The following ZFHX3 variants were observed in gnomAD, a reference collection of about 807,000 sequenced individuals.
ZFHX3 encodes the protein zinc finger homeobox protein 3.
A neutral mutation model predicts 279.1 loss-of-function variants in ZFHX3; 42 were observed. That is an observed-to-expected ratio of 0.15 (90% CI 0.12 to 0.19). The LOEUF is 0.19. Among genes scored for constraint, ZFHX3 ranks in the 10% least tolerant of loss-of-function variants. The probability of loss-of-function intolerance (pLI) is 1.00; values close to 1 mark genes in which losing one functional copy is unlikely to be tolerated. For missense variants in ZFHX3, 4,981 were observed against 4,754.0 expected, an observed-to-expected ratio of 1.05 and a Z score of -1.40; for synonymous variants, 2,293 against 1,957.8, an observed-to-expected ratio of 1.17 and a Z score of -4.52.
chr16:73,886,486 G>T (rs1362837473), intron 1 of ZFHX3, among the ~76,000 whole-genome samples: 2 of 152,110 alleles, frequency 1.3e-5, no homozygotes, highest in African/African-American at 2.4e-5. Flanking sequence ...ACAGAATGAC[G>T]CACATAATAA....
At chr16:73,163,444 T>C (rs1213053256) in intron 5 of ZFHX3, among the ~76,000 whole-genome samples, 2 of 152,234 alleles carry the variant, frequency 1.3e-5, no homozygotes, top group African/African-American at 2.4e-5. Flanking sequence ...TAAAGTTTTA[T>C]TGGAACTCAG....
intron 2 of ZFHX3, among the ~76,000 whole-genome samples, chr16:73,477,178 T>C (rs1597350377): frequency 6.6e-6 from 1 of 152,226 alleles, no homozygotes; most frequent in African/African-American, 2.4e-5. Context: ...TGAATTCATC[T>C]ATAGGAAAGT....
At chr16:72,823,179 C>T (rs898749151) in intron 5 of ZFHX3, among the ~76,000 whole-genome samples, 1 of 152,116 alleles carries the variant, frequency 6.6e-6, no homozygotes, top group Non-Finnish European at 1.5e-5. Flanking sequence ...AAACATAAAA[C>T]CAAAAATGGT....
intron 4 of ZFHX3, among the ~76,000 whole-genome samples, chr16:73,282,579 T>G (rs1358694607): frequency 6.6e-6 from 1 of 152,192 alleles, no homozygotes; most frequent in Non-Finnish European, 1.5e-5. Context: ...GTCTTTTGTT[T>G]TCTGCACTCA....
chr16:73,036,020 C>T (rs1964888159), intron 1 of ZFHX3, among the ~76,000 whole-genome samples: 1 of 152,264 alleles, frequency 6.6e-6, no homozygotes, highest in Non-Finnish European at 1.5e-5. Flanking sequence ...CAAGAGAAGA[C>T]TTCTCCCTTT....
intron 2 of ZFHX3, among the ~76,000 whole-genome samples, chr16:73,481,749 T>C (rs533523801): frequency 1.3e-5 from 2 of 152,322 alleles, no homozygotes; most frequent in East Asian, 3.9e-4. Flanking sequence ...CACCTCTGCC[T>C]CTCAAAGTCC....
chr16:72,856,561 C>T (rs201043590), intron 4 of ZFHX3, among the ~76,000 whole-genome samples: 3 of 152,216 alleles, frequency 2.0e-5, no homozygotes, highest in East Asian at 3.8e-4. Flanking sequence ...GCTGCTTTTA[C>T]ACCACCTGGA....
chr16:73,387,947 C>T (rs979156117), intron 3 of ZFHX3, among the ~76,000 whole-genome samples: 2 of 151,968 alleles, frequency 1.3e-5, no homozygotes, highest in African/African-American at 4.8e-5. Flanking sequence ...TTTTTAAACG[C>T]TCTGCCAAGC....
chr16:72,963,461 ACTGT>A (rs768267964), intron 1 of ZFHX3, among the ~76,000 whole-genome samples: 5 of 152,222 alleles, frequency 3.3e-5, no homozygotes, highest in Non-Finnish European at 7.3e-5. Context: ...TAGCTGGCTC[ACTGT>A]CTGCTTAGCA....
intron 3 of ZFHX3, chr16:73,421,018 T>C (rs749033301): frequency 3.0e-4 from 46 of 152,200 alleles, no homozygotes; most frequent in Non-Finnish European, 5.6e-4. Flanking sequence ...AACAAGCTTG[T>C]GTGTGATATG....
At chr16:73,859,787 A>T (rs1961832741) in intron 1 of ZFHX3, among the ~76,000 whole-genome samples, 1 of 152,232 alleles carries the variant, frequency 6.6e-6, no homozygotes, top group Admixed American at 6.5e-5. Flanking sequence ...ATAAAGCCTA[A>T]ATATAAAATT....
At chr16:72,841,643 G>A (rs1330128799) in intron 4 of ZFHX3, among the ~76,000 whole-genome samples, 6 of 152,096 alleles carry the variant, frequency 3.9e-5, no homozygotes, top group South Asian at 2.1e-4. Flanking sequence ...CTACAGCAGC[G>A]CTCCTCAAAT....
chr16:73,360,037 G>A (rs2016410184), intron 3 of ZFHX3, among the ~76,000 whole-genome samples: 2 of 152,124 alleles, frequency 1.3e-5, no homozygotes, highest in African/African-American at 4.8e-5. Flanking sequence ...AGCTTTGAAG[G>A]CAGAGAGATG....
chr16:73,334,093 A>T (rs1156881411), intron 3 of ZFHX3, among the ~76,000 whole-genome samples: 3 of 152,186 alleles, frequency 2.0e-5, no homozygotes, highest in Non-Finnish European at 4.4e-5. Flanking sequence ...GTGCTGAAAG[A>T]GGAAGGAGAA....
intron 4 of ZFHX3, among the ~76,000 whole-genome samples, chr16:72,856,858 G>C (rs2037766088): frequency 2.6e-5 from 4 of 152,152 alleles, no homozygotes; most frequent in Admixed American, 2.6e-4. Flanking sequence ...GTGGGGCCTG[G>C]CTTATAAATA....
chr16:73,271,635 T>C (rs6564190), intron 4 of ZFHX3, among the ~76,000 whole-genome samples: 96,526 of 152,188 alleles, frequency 0.63, 31,589 homozygotes, highest in African/African-American at 0.8. Flanking sequence ...GGAACAGCTG[T>C]ATAGCTTTCA....
intron 4 of ZFHX3, among the ~76,000 whole-genome samples, chr16:73,280,878 G>C (rs1030333609): frequency 6.6e-6 from 1 of 151,940 alleles, no homozygotes; most frequent in Non-Finnish European, 1.5e-5. Context: ...CCAGCTACTT[G>C]GGAGGCTGAG....
At chr16:73,631,576 GT>G (rs2052469063) in intron 2 of ZFHX3, among the ~76,000 whole-genome samples, 1 of 152,020 alleles carries the variant, frequency 6.6e-6, no homozygotes, top group South Asian at 2.1e-4. Flanking sequence ...TTTTTTCTTT[GT>G]GTTTATATTT....
chr16:73,287,454 G>C (rs1030850784), intron 4 of ZFHX3, among the ~76,000 whole-genome samples: 2 of 145,830 alleles, frequency 1.4e-5, no homozygotes, highest in African/African-American at 5.1e-5. Context: ...GGTGGTGGGT[G>C]TGTGGCTGTG....
Sources: gnomAD v4.1 joint callset for allele counts (sites outside exome capture counted in the v4.1 genomes callset) on GRCh38, gnomAD v4.1.1 for gene constraint, MANE v1.5 for transcripts, NCBI Gene and HGNC (gene_info 2026-07-23, HGNC 2026-07-21) for gene names.